Variants in PTPRM observed in about 807,000 individuals in gnomAD.
PTPRM encodes receptor-type tyrosine-protein phosphatase mu.
A neutral mutation model predicts 186.7 loss-of-function variants in PTPRM; 47 were observed. That is an observed-to-expected ratio of 0.25 (90% confidence interval 0.20 to 0.32). The LOEUF is 0.32. Among genes scored for constraint, PTPRM ranks in the 10% least tolerant of loss-of-function variants. PTPRM has a pLI of 1.00. For missense variants in PTPRM, 1,494 were observed against 1,865.0 expected, an observed-to-expected ratio of 0.80 and a Z score of 3.66; for synonymous variants, 668 against 674.9, an observed-to-expected ratio of 0.99 and a Z score of 0.16.
intron 20 of PTPRM, among the ~76,000 whole-genome samples, chr18:8,305,191 C>T (rs1048997492): frequency 2.0e-5 from 3 of 152,122 alleles, no homozygotes; most frequent in Non-Finnish European, 4.4e-5. Flanking sequence ...GTTTGCCCAC[C>T]ATTCTTCAGT....
intron 14 of PTPRM, among the ~76,000 whole-genome samples, chr18:8,230,012 G>C (rs796612061): frequency 2.0e-5 from 3 of 152,272 alleles, no homozygotes; most frequent in African/African-American, 7.2e-5. Flanking sequence ...AGCCTAAAGC[G>C]ATATGTGAAT....
intron 13 of PTPRM, among the ~76,000 whole-genome samples, chr18:8,133,649 G>A (rs1157484388): frequency 6.6e-6 from 1 of 152,004 alleles, no homozygotes; most frequent in Non-Finnish European, 1.5e-5. Flanking sequence ...TGCAGCAGGA[G>A]CAAAGGCCTT....
At chr18:7,734,200 C>A (rs2040720773) in intron 1 of PTPRM, among the ~76,000 whole-genome samples, 1 of 152,160 alleles carries the variant, frequency 6.6e-6, no homozygotes, top group Non-Finnish European at 1.5e-5. Context: ...TCGAGTACCA[C>A]AAAGGACGAC....
chr18:8,211,456 T>A (rs1451160623), intron 14 of PTPRM, among the ~76,000 whole-genome samples: 1 of 139,268 alleles, frequency 7.2e-6, no homozygotes, highest in Non-Finnish European at 1.5e-5. Flanking sequence ...GTGTGTGGAG[T>A]GCAGTGGTGT....
chr18:8,388,324 G>A (rs896705462), intron 31 of PTPRM, among the ~76,000 whole-genome samples: 10 of 152,166 alleles, frequency 6.6e-5, no homozygotes, highest in African/African-American at 2.2e-4. Context: ...GCAAAATAAA[G>A]TTTCACTCCG....
chr18:7,842,085 A>G (rs950807638), intron 2 of PTPRM, among the ~76,000 whole-genome samples: 2 of 152,210 alleles, frequency 1.3e-5, no homozygotes, highest in African/African-American at 4.8e-5. Context: ...ACTTAGATCC[A>G]TGTTCCCAGA....
chr18:8,239,202 G>A (rs2147237532), intron 14 of PTPRM, among the ~76,000 whole-genome samples: 1 of 131,582 alleles, frequency 7.6e-6, no homozygotes, highest in South Asian at 2.4e-4. Flanking sequence ...GTCTCCATGT[G>A]TTCTCATTGT....
At chr18:7,724,256 TTTC>T (rs1463997224) in intron 1 of PTPRM, among the ~76,000 whole-genome samples, 4 of 152,222 alleles carry the variant, frequency 2.6e-5, no homozygotes, top group East Asian at 1.9e-4. Flanking sequence ...ATAAAGCTTC[TTTC>T]TTCTTATGTG....
chr18:7,948,130 TACACACACAC>T (rs57918724), intron 5 of PTPRM, among the ~76,000 whole-genome samples: 154 of 137,898 alleles, frequency 1.1e-3, no homozygotes, highest in South Asian at 5.3e-3. Context: ...GATTATAAAA[TACACACACAC>T]ACACACACAC....
chr18:8,395,336 G>A (rs2095840455), intron 32 of PTPRM, among the ~76,000 whole-genome samples: 1 of 152,108 alleles, frequency 6.6e-6, no homozygotes, highest in African/African-American at 2.4e-5. Context: ...AAGCGCCAAA[G>A]CCAATGTTCC....
intron 2 of PTPRM, among the ~76,000 whole-genome samples, chr18:7,848,667 A>G (rs1438621707): frequency 1.3e-5 from 2 of 152,022 alleles, no homozygotes; most frequent in African/African-American, 4.8e-5. Flanking sequence ...GGAAGCTGGG[A>G]CAGGAGGATT....
At chr18:8,244,467 C>G (rs2094459503) in intron 15 of PTPRM, among the ~76,000 whole-genome samples, 1 of 152,244 alleles carries the variant, frequency 6.6e-6, no homozygotes, top group East Asian at 1.9e-4. Context: ...TGACACGAGG[C>G]TTTCCTTCTT....
At chr18:8,276,297 A>G (rs1004082022) in intron 19 of PTPRM, among the ~76,000 whole-genome samples, 7 of 152,112 alleles carry the variant, frequency 4.6e-5, no homozygotes, top group African/African-American at 1.7e-4. Context: ...ACTGGACTGC[A>G]TCTTCTCTAA....
intron 22 of PTPRM, among the ~76,000 whole-genome samples, chr18:8,321,631 G>A (rs1204789058): frequency 6.6e-6 from 1 of 152,100 alleles, no homozygotes; most frequent in African/African-American, 2.4e-5. Context: ...AATGGAGAAG[G>A]GCATTGACTA....
chr18:8,214,548 A>G (rs921543417), intron 14 of PTPRM, among the ~76,000 whole-genome samples: 4 of 152,118 alleles, frequency 2.6e-5, no homozygotes, highest in Admixed American at 2.6e-4. Flanking sequence ...TTATCTATTA[A>G]TGGGTTTTTC....
chr18:7,900,377 G>A (rs1174713440), intron 3 of PTPRM, among the ~76,000 whole-genome samples: 2 of 152,132 alleles, frequency 1.3e-5, no homozygotes, highest in East Asian at 1.9e-4. Flanking sequence ...GCTTGTGAGC[G>A]ATATAAAAAC....
chr18:7,859,619 A>G (rs2047259364), intron 2 of PTPRM, among the ~76,000 whole-genome samples: 1 of 152,152 alleles, frequency 6.6e-6, no homozygotes, highest in Admixed American at 6.5e-5. Flanking sequence ...AGCAGATGTC[A>G]CTCCTGTTGG....
At chr18:7,613,064 T>G (rs2037716618) in intron 1 of PTPRM, among the ~76,000 whole-genome samples, 1 of 152,138 alleles carries the variant, frequency 6.6e-6, no homozygotes, top group African/African-American at 2.4e-5. Context: ...CAGTTGCCAC[T>G]GTAGTGTTTA....
At chr18:7,866,490 T>C (rs2047703425) in intron 2 of PTPRM, among the ~76,000 whole-genome samples, 1 of 152,206 alleles carries the variant, frequency 6.6e-6, no homozygotes, top group African/African-American at 2.4e-5. Flanking sequence ...CACGTAGTTT[T>C]GTGATTTTGA....
Sources: gnomAD v4.1 joint callset for allele counts (sites outside exome capture counted in the v4.1 genomes callset) on GRCh38, gnomAD v4.1.1 for gene constraint, MANE v1.5 for transcripts, NCBI Gene and HGNC (gene_info 2026-07-23, HGNC 2026-07-21) for gene names.